The following LRRK1 variants were observed in gnomAD, a reference collection of about 807,000 sequenced individuals.
LRRK1 encodes leucine rich repeat kinase 1.
LRRK1 carries 113 observed loss-of-function variants against 209.1 expected under a neutral mutation model. That is an observed-to-expected ratio of 0.54 (90% confidence interval 0.46 to 0.63). The LOEUF (loss-of-function observed/expected upper bound fraction) is 0.63. Ranked by LOEUF, LRRK1 falls within the 30% of genes least tolerant of loss-of-function variation. LRRK1 has a pLI of 0.00. For missense variants in LRRK1, 2,284 were observed against 2,632.2 expected, an observed-to-expected ratio of 0.87 and a Z score of 2.89; for synonymous variants, 1,144 against 1,099.7, an observed-to-expected ratio of 1.04 and a Z score of -0.80.
chr15:100,961,145 A>G (rs2029912875), intron 2 of LRRK1, among the ~76,000 whole-genome samples: 1 of 152,188 alleles, frequency 6.6e-6, no homozygotes, highest in African/African-American at 2.4e-5. Context: ...GACTGGCTGC[A>G]GAGTCCTGAG....
intron 2 of LRRK1, among the ~76,000 whole-genome samples, chr15:100,956,218 T>C (rs1596195211): frequency 6.6e-6 from 1 of 152,092 alleles, no homozygotes; most frequent in Non-Finnish European, 1.5e-5. Flanking sequence ...TTATTTTTGA[T>C]AGGTAGTATG....
In LRRK1 at chr15:101,051,787, G is replaced by C; in HGVS notation, c.3516G>C (p.Trp1172Cys). ...YVPCPVCETAWAQHTDPSEKS... is the reference protein window; with the variant it reads ...YVPCPVCETACAQHTDPSEKS... ...CCTGCCCGGTCTGCGAGACAGCCTG[G>C]GCCCAGCACACGGACCCCAGTGAGA... Residue 1172 changes from tryptophan (W) to cysteine (C), a missense_variant, in exon 24 of 34, where the codon TGG (tryptophan) becomes TGC (cysteine). By Grantham distance (215) the Trp-to-Cys change is radical. Transcript: ENST00000388948. The C allele has an allele frequency of 6.2e-7, 1 of 1,614,048 alleles. No homozygotes were observed. Among genetic ancestry groups the C allele is most frequent in the East Asian group, 2.2e-5 (1 of 44,874 alleles).
intron 6 of LRRK1, among the ~76,000 whole-genome samples, chr15:101,006,230 G>T (rs1040938925): frequency 1.1e-4 from 17 of 152,088 alleles, no homozygotes; most frequent in Admixed American, 9.2e-4. Flanking sequence ...GCCCAAAATA[G>T]CTAACTTTAA....
intron 13 of LRRK1, chr15:101,021,592 G>A: frequency 1.9e-6 from 1 of 534,200 alleles, no homozygotes; most frequent in African/African-American, 1.9e-5. Flanking sequence ...GTACTTAGTA[G>A]CAGAGACAGG....
At chr15:100,925,785 G>A (rs2042098851) in intron 2 of LRRK1, among the ~76,000 whole-genome samples, 1 of 152,172 alleles carries the variant, frequency 6.6e-6, no homozygotes, top group Non-Finnish European at 1.5e-5. Flanking sequence ...TTATAGCTGA[G>A]GAACATGAGG....
chr15:100,919,369 G>A lies in LRRK1; in HGVS notation c.-205G>A, dbSNP rs371417142. ...CGGCGCGGGGGGCAGACGGCGGTGG[G>A]ACGGCCAGGCCCCGGCCCCGCCAGT... On this transcript the variant is annotated 5_prime_UTR_variant, in exon 1 of 34. Coordinates refer to ENST00000388948, the MANE Select transcript of LRRK1 (RefSeq NM_024652.6). This position sits in a 1 kb window ranked among gnomAD's most constrained non-coding sequence, Gnocchi z 5.8. The A allele has an allele frequency of 9.3e-5, 14 of 150,924 alleles. 1 individual carries two copies. Among genetic ancestry groups the A allele is most frequent in the East Asian group, 1.9e-4 (1 of 5,148 alleles). The allele number at this position is 150,924 out of a possible 1,614,324, so 9.3% of individuals were successfully genotyped here.
rs139622697 is a variant in LRRK1, at chr15:101,054,760, C to T, written c.4055-186C>T. On this transcript the variant is annotated intron_variant, in intron 26 of 33. Coordinates refer to ENST00000388948, the MANE Select transcript of LRRK1 (RefSeq NM_024652.6). ...CCTGGAGGCAGAGGTTGCAGTGAGC[C>T]AAGACCATGCCACTGCACTCCAGCC... Among the ~76,000 whole-genome samples the T allele has an allele frequency of 3.0e-4, 45 of 152,094 alleles. 2 individuals carry two copies. The East Asian group carries it at 7.5e-3, about 26-fold the overall frequency.
Position 101,015,359 on chromosome 15 carries a change from C to T in LRRK1, c.1566C>T (p.Ala522=), listed in dbSNP as rs761469032. The change falls in exon 12 of 34, where the codon GCC becomes GCT. Residue 522 remains alanine, a synonymous_variant. Transcript: ENST00000388948. The part of the protein sequence containing the change: ...NEDGLKTKRI[A]FFTTRGRQRS... ...ATGGACTGAAAACGAAGCGTATTGCCTTTTTCACCACCAGAGGTCGCCAGC... is the reference window on the plus strand; with the variant it reads ...ATGGACTGAAAACGAAGCGTATTGCTTTTTTCACCACCAGAGGTCGCCAGC... The T allele has an allele frequency of 1.9e-6, 3 of 1,613,684 alleles. No individual in the cohort carries two copies. In the African/African-American group the frequency reaches 4.0e-5, roughly 22 times the overall value.
intron 2 of LRRK1, among the ~76,000 whole-genome samples, chr15:100,962,824 T>TACATATATATATATATATATATATA (rs1555461505): frequency 1.2e-4 from 1 of 8,444 alleles, no homozygotes; most frequent in Non-Finnish European, 2.8e-4. Context: ...TATATATATA[T>TACATATATATATATATATATATATA]TTTTTTTTTT....
At chr15:100,937,536 T>TTTTA (rs10640454) in intron 2 of LRRK1, among the ~76,000 whole-genome samples, 52,608 of 149,550 alleles carry the variant, frequency 0.35, 11,814 homozygotes, top group African/African-American at 0.64. Flanking sequence ...TATTATTTTA[T>TTTTA]TTTATTTATT....
At chr15:100,966,979 A>G (rs1422794752) in intron 2 of LRRK1, among the ~76,000 whole-genome samples, 2 of 152,252 alleles carry the variant, frequency 1.3e-5, no homozygotes, top group African/African-American at 4.8e-5. Flanking sequence ...TAACATGGAC[A>G]GAAGAGGCTA....
chr15:101,012,038 G>A lies in LRRK1; in HGVS notation c.1312G>A (p.Glu438Lys). The part of the protein sequence containing the change: ...KCCKASRNAL[E>K]CLPDKMAVFW... The stretch of plus-strand genomic sequence containing the variant: ...TTGTAAAGCTTCCAGAAATGCCCTG[G>A]AATGTCTGCCAGACAAAATGGCTGT... Residue 438 changes from glutamate (E) to lysine (K), a missense_variant, in exon 10 of 34, where the codon GAA (glutamate) becomes AAA (lysine). Physicochemically the swap from Glu to Lys is moderately conservative, Grantham distance 56. Around this residue, in one of 6 missense-constraint regions of LRRK1, gnomAD observed 494 missense variants for 522.1 expected, o/e 0.95. Transcript: ENST00000388948. 1 of 1,609,060 alleles carries A rather than the reference G, an allele frequency of 6.2e-7. No individual in the cohort carries two copies. Among genetic ancestry groups the A allele is most frequent in the Non-Finnish European group, 8.5e-7 (1 of 1,178,038 alleles).
In LRRK1 at chr15:101,074,572, C is replaced by T. The variant is rs997393371; in HGVS notation, c.*5724C>T. 5.9e-5 allele frequency: 9 copies of T among 152,300 alleles called. No homozygotes were observed. The highest frequency in any genetic ancestry group is 2.1e-4 in the South Asian group (1 of 4,828). The allele number at this position is 152,300 out of a possible 1,614,324, so 9.4% of individuals were successfully genotyped here. On this transcript the variant is annotated 3_prime_UTR_variant, in exon 34 of 34. Coordinates refer to ENST00000388948, the MANE Select transcript of LRRK1 (RefSeq NM_024652.6). ...GTCTTATTCTCAATATATATTTTAT[C>T]ACCCAATCTGCTCCCTACATTAAAT...
chr15:100,934,802 C>CAAA (rs56258040), intron 2 of LRRK1, among the ~76,000 whole-genome samples: 2 of 53,426 alleles, frequency 3.7e-5, no homozygotes, highest in Non-Finnish European at 8.1e-5. Flanking sequence ...GAAACTGTCT[C>CAAA]AAAAAAAAAA....
intron 2 of LRRK1, among the ~76,000 whole-genome samples, chr15:100,955,730 C>T (rs1311036898): frequency 6.6e-6 from 1 of 151,886 alleles, no homozygotes; most frequent in Non-Finnish European, 1.5e-5. Context: ...TTTTTTTCTG[C>T]ATTTATTGAG....
At chr15:101,061,341 C>A in intron 30 of LRRK1, 53 bp downstream of exon 30, 1 of 1,301,984 alleles carries the variant, frequency 7.7e-7, no homozygotes, top group Non-Finnish European at 1.1e-6. Context: ...CCACTGGGTG[C>A]AGCCCTGGGT....
chr15:100,980,137 C>A (rs990081855), intron 3 of LRRK1, among the ~76,000 whole-genome samples: 4 of 152,064 alleles, frequency 2.6e-5, no homozygotes, highest in African/African-American at 9.7e-5. Flanking sequence ...TGTGTCATAC[C>A]AACTTTATTT....
At position 100,924,992 on chromosome 15, in the gene LRRK1, G is replaced by A. The variant is rs886256172; in HGVS notation, c.97+263G>A. ...TGGGTTAAAGAACTTTTAAGAAAAA[G>A]GATGTAGTTTTGTTTTTTCATTATA... On this transcript the variant is annotated intron_variant, in intron 2 of 33. Transcript: ENST00000388948. Among the ~76,000 whole-genome samples the A allele has an allele frequency of 3.3e-5, 5 of 152,042 alleles. 1 individual carries two copies. The highest frequency in any genetic ancestry group is 4.1e-4 in the South Asian group (2 of 4,832).
chr15:101,058,616 A>AAGGGGG (rs1555479925), intron 29 of LRRK1, among the ~76,000 whole-genome samples: 1 of 4,246 alleles, frequency 2.4e-4, no homozygotes, highest in Non-Finnish European at 6.4e-4. Flanking sequence ...AGAAGGGGCA[A>AAGGGGG]CGGGGGGGGG....
Sources: allele counts gnomAD v4.1 joint callset (sites outside exome capture counted in the v4.1 genomes callset), GRCh38; gene constraint gnomAD v4.1.1; regional missense constraint gnomAD v4.1.1; non-coding constraint Gnocchi (gnomAD v3.1); transcripts MANE v1.5; gene names NCBI Gene and HGNC (gene_info 2026-07-23, HGNC 2026-07-21).